Variants in EMILIN3 observed in about 807,000 individuals in gnomAD.
EMILIN3 encodes elastin microfibril interfacer 3, also known as EMILIN-3.
EMILIN3 carries 38 observed loss-of-function variants against 42.8 expected under a neutral mutation model. The ratio of observed to expected loss-of-function variants is 0.89; its 90% CI spans 0.69 to 1.16. The LOEUF (loss-of-function observed/expected upper bound fraction) is 1.16, where lower values mean the gene tolerates loss of function less well. EMILIN3 is among the 50% of genes most tolerant of loss of function. The probability of loss-of-function intolerance (pLI) is 0.00; values close to 1 mark genes in which losing one functional copy is unlikely to be tolerated. For synonymous variants in EMILIN3, 430 were observed against 440.5 expected, an observed-to-expected ratio of 0.98 and a Z score of 0.30; for missense variants, 924 against 999.5, an observed-to-expected ratio of 0.92 and a Z score of 1.02.
intron 2 of EMILIN3, 47 bp downstream of exon 2, chr20:41,364,988 C>T (rs759437142): frequency 2.4e-5 from 38 of 1,609,196 alleles, no homozygotes; most frequent in Non-Finnish European, 3.2e-5. Context: ...GCAGGACTGG[C>T]GCTTGTGCCA....
chr20:41,364,502 G>A (rs1390090649), intron 2 of EMILIN3, among the ~76,000 whole-genome samples: 1 of 152,146 alleles, frequency 6.6e-6, no homozygotes. Context: ...TGACACACCG[G>A]AGACAACAGG....
chr20:41,366,692 G>A lies in EMILIN3; in HGVS notation c.-58C>T. 1.0e-6 allele frequency: 1 copy of A among 964,412 alleles called. No individual in the cohort carries two copies. The highest frequency in any genetic ancestry group is 1.2e-6 in the Non-Finnish European group (1 of 812,676). 59.7% of individuals were successfully genotyped at this position (964,412 alleles called of 1,614,324 possible). ...GGTGCCCCCCGCCGGGTGTCCGCCT[G>A]CAGCGCCGCGCCGCCCCCGCCGCTG... On this transcript the variant is annotated 5_prime_UTR_variant, in exon 1 of 4. Transcript: ENST00000332312. This position sits in a 1 kb window ranked among gnomAD's most constrained non-coding sequence, Gnocchi z 4.2.
In EMILIN3 at chr20:41,360,875, G is replaced by T; in HGVS notation, c.*393C>A. 4.1e-6 allele frequency: 1 copy of T among 244,612 alleles called. No homozygotes were observed. The highest frequency in any genetic ancestry group is 9.3e-5 in the South Asian group (1 of 10,782). 15.2% of individuals were successfully genotyped at this position (244,612 alleles called of 1,614,324 possible). On this transcript the variant is annotated 3_prime_UTR_variant, in exon 4 of 4. Coordinates refer to ENST00000332312, the MANE Select transcript of EMILIN3 (RefSeq NM_052846.2). Reference sequence around the variant, plus strand: ...CTGCACAGTTGCTGAGGCTGGTGCTGACTGCCTGCAGGGTCCTCTCAAGGC... The same window carrying T: ...CTGCACAGTTGCTGAGGCTGGTGCTTACTGCCTGCAGGGTCCTCTCAAGGC...
chr20:41,366,391 G>A lies in EMILIN3; in HGVS notation c.167+77C>T. 9.6e-7 allele frequency: 1 copy of A among 1,041,012 alleles called. No homozygotes were observed. 64.5% of individuals were successfully genotyped at this position (1,041,012 alleles called of 1,614,324 possible). A position where few individuals can be genotyped will look rare whatever the true frequency, so the allele number is the denominator to read the frequency against. ...TGCCCGGGGCCTCGACGCCCCCCGC[G>A]GGTGCGGGCAGGTGGGAGCGGCGAC... On this transcript the variant is annotated intron_variant, in intron 1 of 3. Coordinates refer to ENST00000332312, the MANE Select transcript of EMILIN3 (RefSeq NM_052846.2). The surrounding 1 kb of genome is among the most constrained non-coding windows in gnomAD (Gnocchi z 4.2).
Position 41,363,072 on chromosome 20 carries a change from GC to G in EMILIN3, c.515-19del. On this transcript the variant is annotated intron_variant, in intron 3 of 3. Transcript: ENST00000332312. ...TTTCCTTCCTGGGAAAGAGAAGAGA[GC>G]CCCAGGGGCATCACTGGCCTCACCC... 1.3e-6 allele frequency: 2 copies of G among 1,523,314 alleles called. No individual in the cohort carries two copies. Among genetic ancestry groups the G allele is most frequent in the South Asian group, 1.2e-5 (1 of 80,034 alleles). 94.4% of individuals were successfully genotyped at this position (1,523,314 alleles called of 1,614,324 possible).
rs2046349178 is a variant in EMILIN3, at chr20:41,360,661, TACA to T, written c.*604_*606del. ...GGCAGCCTCTGGTCCTTAGTTCAGA[TACA>T]ACATCCATGAAGCTGCCAGGTGTGA... On this transcript the variant is annotated 3_prime_UTR_variant, in exon 4 of 4. Coordinates refer to ENST00000332312, the MANE Select transcript of EMILIN3 (RefSeq NM_052846.2). The T allele has an allele frequency of 6.5e-6, 1 of 153,508 alleles. No individual in the cohort carries two copies. Among genetic ancestry groups the T allele is most frequent in the Non-Finnish European group, 1.5e-5 (1 of 68,680 alleles). The allele number at this position is 153,508 out of a possible 1,614,324, so 9.5% of individuals were successfully genotyped here. A position where few individuals can be genotyped will look rare whatever the true frequency, so the allele number is the denominator to read the frequency against.
rs774820231 is a variant in EMILIN3 at position 41,361,955 on chromosome 20, C to T, written c.1614G>A (p.Lys538=). Residue 538 remains lysine (K), a synonymous_variant, in exon 4 of 4, where the codon AAG becomes AAA. Transcript: ENST00000332312. ...GGGCCTCGCTCCGGCTCTGCCAGGC[C>T]TTCACCTCTGCCACGAGGCTGTCCA... ...AILDSLVAEV[K]AWQSRSEALL... 6.2e-7 allele frequency: 1 copy of T among 1,612,514 alleles called. No individual in the cohort carries two copies. The highest frequency in any genetic ancestry group is 8.5e-7 in the Non-Finnish European group (1 of 1,179,326).
rs762559428 is a variant in EMILIN3, at chr20:41,362,032, G to A, written c.1537C>T (p.Arg513Trp). Reference sequence around the variant, plus strand: ...CACGAAGTCTCCAGTGAGACCAACCGTTGCTCTAGCACAGCCAGCTCTGTC... The same window carrying A: ...CACGAAGTCTCCAGTGAGACCAACCATTGCTCTAGCACAGCCAGCTCTGTC... ...VQTELAVLEQ[R>W]LVSLETSCTP... is the part of the protein sequence containing the mutation. The change falls in exon 4 of 4, where the codon CGG becomes TGG. Residue 513 changes from arginine (R) to tryptophan (W), a missense_variant. By Grantham distance (101) the Arg-to-Trp change is moderately radical. Transcript: ENST00000332312. 1.6e-5 allele frequency: 26 copies of A among 1,611,386 alleles called. No homozygotes were observed. The highest frequency in any genetic ancestry group is 2.2e-5 in the East Asian group (1 of 44,798).
rs1207002505 is a variant in EMILIN3, at chr20:41,362,807, CT to C, written c.761del (p.Lys254ArgfsTer2). 6.2e-7 allele frequency: 1 copy of C among 1,614,210 alleles called. No individual in the cohort carries two copies. The highest frequency in any genetic ancestry group is 8.5e-7 in the Non-Finnish European group (1 of 1,180,042). On this transcript the variant is annotated frameshift_variant, in exon 4 of 4. Transcript: ENST00000332312. LOFTEE classifies it high-confidence loss of function. ...LTPPLDEILS[K>X]VTEVSNTLQT... ...GAAGAGTGTTGCTCACCTCTGTCAC[CT>C]TGCTTAGGATCTCGTCTAAGGGAGG...
In EMILIN3 at chr20:41,361,764, C is replaced by G; in HGVS notation, c.1805G>C (p.Ser602Thr). 1 of 1,613,646 alleles carries G rather than the reference C, an allele frequency of 6.2e-7. No individual in the cohort carries two copies. Among genetic ancestry groups the G allele is most frequent in the Non-Finnish European group, 8.5e-7 (1 of 1,180,010 alleles). The change falls in exon 4 of 4, where the codon AGT becomes ACT. Residue 602 changes from serine to threonine, a missense_variant. Ser to Thr is a moderately conservative substitution (Grantham distance 58, BLOSUM62 1). Transcript: ENST00000332312. Reference protein sequence around the residue: ...NSVSKSLTGLSDSVSQYSDAF... With the variant: ...NSVSKSLTGLTDSVSQYSDAF... Reference sequence around the variant, plus strand: ...ATCAGAGTACTGGCTGACAGAGTCACTGAGGCCTGTGAGCGACTTGCTCAC... The same window carrying G: ...ATCAGAGTACTGGCTGACAGAGTCAGTGAGGCCTGTGAGCGACTTGCTCAC...
rs770459148 is a variant in EMILIN3, at chr20:41,363,639, A to G, written c.513T>C (p.His171=). The G allele has an allele frequency of 6.2e-7, 1 of 1,605,316 alleles. No individual in the cohort carries two copies. Among genetic ancestry groups the G allele is most frequent in the Non-Finnish European group, 8.5e-7 (1 of 1,174,686 alleles). The change falls in exon 3 of 4, where the codon CAT becomes CAC. Residue 171 remains histidine, a splice_region_variant and synonymous_variant. Transcript: ENST00000332312. ...GAGGGTCTCCTTGGGCAGACTCACC[A>G]TGAGGGCTGGGGGCTGCTCTGCTGT... ...PSYSRAAPSP[H]GRKGPGLFGE...
Position 41,363,740 on chromosome 20 carries a change from C to G in EMILIN3, c.412G>C (p.Ala138Pro), listed in dbSNP as rs774799386. Reference sequence around the variant, plus strand: ...TCAGGCTCCAGCTGGGGTGAGGCAGCCCCATGGTCCGTGAGGTGCTCAGGG... The same window carrying G: ...TCAGGCTCCAGCTGGGGTGAGGCAGGCCCATGGTCCGTGAGGTGCTCAGGG... ...RCPEHLTDHG[A>P]ASPQLEPEPQ... The change falls in exon 3 of 4, where the codon GCT (alanine) becomes CCT (proline). Residue 138 changes from alanine (A) to proline (P), a missense_variant. Ala to Pro is a conservative substitution (Grantham distance 27). Coordinates refer to ENST00000332312, the MANE Select transcript of EMILIN3 (RefSeq NM_052846.2). The G allele has an allele frequency of 1.2e-6, 2 of 1,614,128 alleles. No individual in the cohort carries two copies. Among genetic ancestry groups the G allele is most frequent in the Admixed American group, 3.3e-5 (2 of 60,022 alleles).
In EMILIN3 at chr20:41,362,482, G is replaced by A. The variant is rs778745531; in HGVS notation, c.1087C>T (p.Arg363Cys). ...CTGCCCAGCTGTGACAGCTCCTGGC[G>A]CAGGGCCAGCTCCCGGCCATCAAGG... ...QSLDGRELAL[R>C]QELSQLGSQL... Residue 363 changes from arginine (R) to cysteine (C), a missense_variant, in exon 4 of 4, where the codon CGC (arginine) becomes TGC (cysteine). Transcript: ENST00000332312. The A allele has an allele frequency of 1.3e-5, 20 of 1,599,068 alleles. No individual in the cohort carries two copies. Among genetic ancestry groups the A allele is most frequent in the Admixed American group, 1.7e-5 (1 of 59,850 alleles).
chr20:41,364,982 G>A, intron 2 of EMILIN3, 53 bp downstream of exon 2: 2 of 1,608,806 alleles, frequency 1.2e-6, no homozygotes, highest in African/African-American at 1.3e-5. Context: ...CTGAAGGCAG[G>A]ACTGGCGCTT....
chr20:41,366,376 C>A lies in EMILIN3; in HGVS notation c.167+92G>T, dbSNP rs2046393859. ...GCAGCGGCCTCGGGGTGCCCGGGGC[C>A]TCGACGCCCCCCGCGGGTGCGGGCA... On this transcript the variant is annotated intron_variant, in intron 1 of 3. Coordinates refer to ENST00000332312, the MANE Select transcript of EMILIN3 (RefSeq NM_052846.2). The surrounding 1 kb of genome is among the most constrained non-coding windows in gnomAD (Gnocchi z 4.2). 3 of 996,912 alleles carry A rather than the reference C, an allele frequency of 3.0e-6. No homozygotes were observed. The highest frequency in any genetic ancestry group is 1.2e-6 in the Non-Finnish European group (1 of 819,028). The allele number at this position is 996,912 out of a possible 1,614,324, so 61.8% of individuals were successfully genotyped here.
Position 41,366,682 on chromosome 20 carries a change from G to T in EMILIN3, c.-48C>A. Reference sequence around the variant, plus strand: ...GGCCCCGCGCGGTGCCCCCCGCCGGGTGTCCGCCTGCAGCGCCGCGCCGCC... The same window carrying T: ...GGCCCCGCGCGGTGCCCCCCGCCGGTTGTCCGCCTGCAGCGCCGCGCCGCC... On this transcript the variant is annotated 5_prime_UTR_variant, in exon 1 of 4. Coordinates refer to ENST00000332312, the MANE Select transcript of EMILIN3 (RefSeq NM_052846.2). The surrounding 1 kb of genome is among the most constrained non-coding windows in gnomAD (Gnocchi z 4.2). 3.1e-6 allele frequency: 3 copies of T among 980,770 alleles called. No individual in the cohort carries two copies. The highest frequency in any genetic ancestry group is 3.6e-6 in the Non-Finnish European group (3 of 826,944). The allele number at this position is 980,770 out of a possible 1,614,324, so 60.8% of individuals were successfully genotyped here. A position where few individuals can be genotyped will look rare whatever the true frequency, so the allele number is the denominator to read the frequency against.
chr20:41,363,712 G>A lies in EMILIN3; in HGVS notation c.440C>T (p.Pro147Leu). 1 of 1,614,064 alleles carries A rather than the reference G, an allele frequency of 6.2e-7. No individual in the cohort carries two copies. Among genetic ancestry groups the A allele is most frequent in the Non-Finnish European group, 8.5e-7 (1 of 1,180,022 alleles). The change falls in exon 3 of 4, where the codon CCT becomes CTT. Residue 147 changes from proline to leucine, a missense_variant. Physicochemically the swap from Pro to Leu is moderately conservative, Grantham distance 98. Transcript: ENST00000332312. ...GTCCAGCTGCCCTGAAGGAATCTGA[G>A]GCTCAGGCTCCAGCTGGGGTGAGGC... ...GAASPQLEPE[P>L]QIPSGQLDPG... is the part of the protein sequence containing the mutation.
At position 41,361,924 on chromosome 20, in the gene EMILIN3, G is replaced by T; in HGVS notation, c.1645C>A (p.Arg549Ser). The change falls in exon 4 of 4, where the codon CGC becomes AGC. Residue 549 changes from arginine (R) to serine (S), a missense_variant. Transcript: ENST00000332312. ...AGTGCTGCGTGGCTGGCCACCTGGC[G>T]TAGGAGGGCCTCGCTCCGGCTCTGC... ...AWQSRSEALLRQVASHAALLQ... is the reference protein window; with the variant it reads ...AWQSRSEALLSQVASHAALLQ... 1.2e-6 allele frequency: 2 copies of T among 1,612,930 alleles called. No individual in the cohort carries two copies. Among genetic ancestry groups the T allele is most frequent in the Non-Finnish European group, 1.7e-6 (2 of 1,179,890 alleles).
At position 41,366,643 on chromosome 20, in the gene EMILIN3, C is replaced by A; in HGVS notation, c.-9G>T. 2 of 1,030,666 alleles carry A rather than the reference C, an allele frequency of 1.9e-6. No individual in the cohort carries two copies. Among genetic ancestry groups the A allele is most frequent in the East Asian group, 8.4e-5 (1 of 11,974 alleles). The allele number at this position is 1,030,666 out of a possible 1,614,324, so 63.8% of individuals were successfully genotyped here. A position where few individuals can be genotyped will look rare whatever the true frequency, so the allele number is the denominator to read the frequency against. On this transcript the variant is annotated 5_prime_UTR_variant, in exon 1 of 4. Transcript: ENST00000332312. This position sits in a 1 kb window ranked among gnomAD's most constrained non-coding sequence, Gnocchi z 4.2. ...AGGCGGCGGCGGCCCATAGCGGCCC[C>A]CGCGCCTCTGCCCGGCCCCGCGCGG...
Sources: allele counts gnomAD v4.1 joint callset (sites outside exome capture counted in the v4.1 genomes callset), GRCh38; gene constraint gnomAD v4.1.1; non-coding constraint Gnocchi (gnomAD v3.1); transcripts MANE v1.5; gene names NCBI Gene and HGNC (gene_info 2026-07-23, HGNC 2026-07-21).